FRY: variants seen among roughly 807,000 people sequenced by gnomAD.
FRY encodes FRY microtubule binding protein.
FRY carries 128 observed loss-of-function variants against 348.4 expected under a neutral mutation model. That is an observed-to-expected ratio of 0.37 (90% CI 0.32 to 0.43). FRY has a LOEUF of 0.43. Among genes scored for constraint, FRY ranks in the 20% least tolerant of loss-of-function variants. FRY has a pLI of 1.00. For missense variants in FRY, 2,736 were observed against 3,695.2 expected (o/e 0.74, Z 6.73); for synonymous variants, 1,370 against 1,374.7 (o/e 1.00, Z 0.08).
At chr13:32,149,654 C>A in intron 13 of FRY, 94 bp from the exon 14 acceptor site, 1 of 754,904 alleles carries the variant, frequency 1.3e-6, no homozygotes, top group Non-Finnish European at 2.4e-6. Context: ...TTTTAGCCAC[C>A]ACCTGTTCGC....
intron 59 of FRY, among the ~76,000 whole-genome samples, chr13:32,292,939 C>T (rs936050157): frequency 6.6e-6 from 1 of 152,178 alleles, no homozygotes; most frequent in Non-Finnish European, 1.5e-5. Context: ...GATCCTCTAC[C>T]AGCAAAAAGA....
rs536548823 is a variant in FRY, at chr13:32,103,390, G to A, written c.324+1374G>A. On this transcript the variant is annotated intron_variant, in intron 3 of 60. Coordinates refer to ENST00000542859, the MANE Select transcript of FRY (RefSeq NM_023037.3). ...TTTTTAAGAATAAATATCATTCTCAGCAAACTATCACAAGGACAAAAAACC... is the reference window on the plus strand; with the variant it reads ...TTTTTAAGAATAAATATCATTCTCAACAAACTATCACAAGGACAAAAAACC... 2.6e-5 allele frequency among the ~76,000 whole-genome samples: 4 copies of A among 152,256 alleles called. No individual in the cohort carries two copies. In the South Asian group the frequency reaches 8.3e-4, roughly 32 times the overall value.
At position 32,252,073 on chromosome 13, in the gene FRY, C is replaced by A; in HGVS notation, c.7245+121C>A. ...TGTGAATGACAAGTATGATAGCCAC[C>A]GTCTTGAGCAAACCCCTGGACTATT... On this transcript the variant is annotated intron_variant, in intron 50 of 60. Coordinates refer to ENST00000542859, the MANE Select transcript of FRY (RefSeq NM_023037.3). 4.0e-6 allele frequency: 3 copies of A among 755,752 alleles called. No individual in the cohort carries two copies. The Admixed American group carries it at 5.5e-5, about 14-fold the overall frequency. The allele number at this position is 755,752 out of a possible 1,614,324, so 46.8% of individuals were successfully genotyped here. A position where few individuals can be genotyped will look rare whatever the true frequency, so the allele number is the denominator to read the frequency against.
intron 17 of FRY, among the ~76,000 whole-genome samples, chr13:32,167,597 G>A (rs1266461997): frequency 1.3e-5 from 2 of 152,162 alleles, no homozygotes; most frequent in African/African-American, 4.8e-5. Flanking sequence ...ACATTCTGAG[G>A]TACTGGGAGT....
chr13:32,200,196 G>C (rs2762033), intron 29 of FRY, among the ~76,000 whole-genome samples: 63,036 of 151,868 alleles, frequency 0.42, 13,313 homozygotes, highest in African/African-American at 0.45. Context: ...TCTCAATACT[G>C]CCACAATGGG....
intron 36 of FRY, among the ~76,000 whole-genome samples, chr13:32,220,175 CTTTGAATTGTTGT>C (rs1158062956): frequency 1.3e-5 from 2 of 152,146 alleles, no homozygotes; most frequent in African/African-American, 4.8e-5. Context: ...TAAGTTGGTG[CTTTGAATTGTTGT>C]TTTGAATTGT....
chr13:32,290,821 G>C (rs1487438733), intron 59 of FRY, among the ~76,000 whole-genome samples: 1 of 151,976 alleles, frequency 6.6e-6, no homozygotes, highest in East Asian at 1.9e-4. Context: ...AACTAATGGG[G>C]GGATGAAGGA....
intron 1 of FRY, among the ~76,000 whole-genome samples, chr13:32,044,994 A>T (rs1872944622): frequency 6.6e-6 from 1 of 152,224 alleles, no homozygotes; most frequent in Non-Finnish European, 1.5e-5. Context: ...AATTGTGTAT[A>T]TGTGGGTAAG....
chr13:32,147,315 G>T lies in FRY; in HGVS notation c.1213G>T (p.Glu405Ter). The T allele has an allele frequency of 6.2e-7, 1 of 1,611,664 alleles. No homozygotes were observed. Among genetic ancestry groups the T allele is most frequent in the Non-Finnish European group, 8.5e-7 (1 of 1,177,806 alleles). ...TCCCAAGATGGCTCGAGTTGCACTG[G>T]AATCTCTCTACAGATTACTTTGGGT... ...KDPKMARVAL[E>*]SLYRLLWVYM... is the part of the protein sequence containing the mutation. The change falls in exon 12 of 61, where the codon GAA becomes TAA. Residue 405 changes from glutamate (E) to a stop codon, truncating the protein, a stop_gained. Transcript: ENST00000542859. LOFTEE classifies it high-confidence loss of function.
Position 32,075,615 on chromosome 13 carries a change from A to G in FRY, c.71-3219A>G, listed in dbSNP as rs140431362. ...TGGACTTTGTGACTCAAATTTGACT[A>G]CCGGGGAACATGAGTTTCCTGGTCT... On this transcript the variant is annotated intron_variant, in intron 1 of 60. Transcript: ENST00000542859. Among the ~76,000 whole-genome samples the G allele has an allele frequency of 2.6e-5, 4 of 152,306 alleles. No individual in the cohort carries two copies. In the South Asian group the frequency reaches 6.2e-4, roughly 24 times the overall value.
At chr13:32,083,255 A>G (rs148932628) in intron 2 of FRY, among the ~76,000 whole-genome samples, 11 of 152,210 alleles carry the variant, frequency 7.2e-5, no homozygotes, top group Admixed American at 2.0e-4. Context: ...TTTGATGACT[A>G]TATTTTTTAT....
At chr13:32,168,978 C>A (rs1881903245) in intron 17 of FRY, among the ~76,000 whole-genome samples, 1 of 152,186 alleles carries the variant, frequency 6.6e-6, no homozygotes, top group African/African-American at 2.4e-5. Flanking sequence ...CTGGCTCTTC[C>A]CTTTGTTAAC....
Position 32,294,398 on chromosome 13 carries a change from C to G in FRY, c.8611C>G (p.Leu2871Val). ...GAATATGTCCAGGGAACTGAGTGAC[C>G]TAAAGAAACACCTGAAGGAAGCCAG... ...LLNMSRELSD[L>V]KKHLKEASAV... The change falls in exon 60 of 61, where the codon CTA (leucine) becomes GTA (valine). Residue 2871 changes from leucine (L) to valine (V), a missense_variant. Physicochemically the swap from Leu to Val is conservative, Grantham distance 32. Around this residue, in one of 9 missense-constraint regions of FRY, gnomAD observed 157 missense variants for 215.2 expected, o/e 0.73. Coordinates refer to ENST00000542859, the MANE Select transcript of FRY (RefSeq NM_023037.3). The G allele has an allele frequency of 1.2e-6, 2 of 1,613,814 alleles. No individual in the cohort carries two copies. Among genetic ancestry groups the G allele is most frequent in the Non-Finnish European group, 1.7e-6 (2 of 1,179,802 alleles).
rs1396294748 is a variant in FRY, at chr13:32,240,000, C to T, written c.6687+119C>T. On this transcript the variant is annotated intron_variant, in intron 46 of 60. Transcript: ENST00000542859. This position sits in a 1 kb window ranked among gnomAD's most constrained non-coding sequence, Gnocchi z 4.3. ...CCTCCCAGAGTGCTAGGATTACAGG[C>T]GTGGGCCACCATTCCCTGCCAGAGG... The T allele has an allele frequency of 5.2e-6, 4 of 765,790 alleles. No homozygotes were observed. The highest frequency in any genetic ancestry group is 1.6e-5 in the South Asian group (1 of 60,930). 47.4% of individuals were successfully genotyped at this position (765,790 alleles called of 1,614,324 possible). A position where few individuals can be genotyped will look rare whatever the true frequency, so the allele number is the denominator to read the frequency against.
At chr13:32,199,672 G>A (rs1417800694) in intron 29 of FRY, among the ~76,000 whole-genome samples, 2 of 152,088 alleles carry the variant, frequency 1.3e-5, no homozygotes, top group East Asian at 1.9e-4. Flanking sequence ...TCTTCAGGGC[G>A]GACCCTGTAG....
intron 1 of FRY, among the ~76,000 whole-genome samples, chr13:32,065,689 T>C (rs1314832690): frequency 6.6e-6 from 1 of 152,060 alleles, no homozygotes; most frequent in African/African-American, 2.4e-5. Flanking sequence ...CAGTCTTGAA[T>C]TCCTGGGCTC....
chr13:32,181,732 C>G (rs372828124), intron 23 of FRY, among the ~76,000 whole-genome samples: 5 of 152,146 alleles, frequency 3.3e-5, no homozygotes, highest in East Asian at 1.9e-4. Flanking sequence ...AACCAACTAG[C>G]CTCATGAGTC....
In FRY at chr13:32,079,047, G is replaced by C; in HGVS notation, c.270+14G>C. The C allele has an allele frequency of 6.4e-7, 1 of 1,573,150 alleles. No individual in the cohort carries two copies. The highest frequency in any genetic ancestry group is 8.7e-7 in the Non-Finnish European group (1 of 1,143,122). On this transcript the variant is annotated intron_variant, in intron 2 of 60. Transcript: ENST00000542859. ...GCAGAGCCCCTGGTGAGTACATGCC[G>C]TGGAAACTGCCTCTTTGAAAATTCA...
In FRY at chr13:32,239,107, A is replaced by T; in HGVS notation, c.6419-145A>T. The T allele has an allele frequency of 1.5e-6, 1 of 684,626 alleles. No homozygotes were observed. Among genetic ancestry groups the T allele is most frequent in the Admixed American group, 2.1e-5 (1 of 48,548 alleles). The allele number at this position is 684,626 out of a possible 1,614,324, so 42.4% of individuals were successfully genotyped here. Reference sequence around the variant, plus strand: ...GCAATTGTGGTTGTGCATTTTTCATAGATTTTGTGTTAGATCATGTTTAAG... The same window carrying T: ...GCAATTGTGGTTGTGCATTTTTCATTGATTTTGTGTTAGATCATGTTTAAG... On this transcript the variant is annotated intron_variant, in intron 44 of 60. Coordinates refer to ENST00000542859, the MANE Select transcript of FRY (RefSeq NM_023037.3). This position sits in a 1 kb window ranked among gnomAD's most constrained non-coding sequence, Gnocchi z 4.3.
Sources: gnomAD v4.1 joint callset for allele counts (sites outside exome capture counted in the v4.1 genomes callset) on GRCh38, gnomAD v4.1.1 for gene constraint, gnomAD v4.1.1 regional missense constraint, Gnocchi (gnomAD v3.1) non-coding constraint, MANE v1.5 for transcripts, NCBI Gene and HGNC (gene_info 2026-07-23, HGNC 2026-07-21) for gene names.